The following FAM178B variants were observed in gnomAD, a reference collection of about 807,000 sequenced individuals.
FAM178B encodes protein FAM178B.
FAM178B carries 82 observed loss-of-function variants against 91.7 expected under a neutral mutation model. The ratio of observed to expected loss-of-function variants is 0.89; its 90% CI spans 0.75 to 1.07. The LOEUF (loss-of-function observed/expected upper bound fraction) is 1.07. FAM178B is among the 50% of genes least tolerant of loss of function. The probability of loss-of-function intolerance (pLI) is 0.00; values close to 1 mark genes in which losing one functional copy is unlikely to be tolerated. For missense variants in FAM178B, 769 were observed against 846.7 expected, an observed-to-expected ratio of 0.91 and a Z score of 1.14; for synonymous variants, 368 against 359.4, an observed-to-expected ratio of 1.02 and a Z score of -0.27.
intron 12 of FAM178B, among the ~76,000 whole-genome samples, chr2:96,909,142 CAAAAAAAAAAAAAAAAAAGAAA>C (rs2081107480): frequency 1.3e-5 from 1 of 77,412 alleles, no homozygotes; most frequent in African/African-American, 4.7e-5. Flanking sequence ...GACTCTGTCT[CAAAAAAAAAAAAAAAAAAGAAA>C]AAAGAAAAAA....
At chr2:96,919,784 G>A (rs927883540) in intron 12 of FAM178B, among the ~76,000 whole-genome samples, 3 of 152,196 alleles carry the variant, frequency 2.0e-5, no homozygotes, top group African/African-American at 7.2e-5. Context: ...GAGAGAGGAT[G>A]AAACCTGCCC....
chr2:96,985,751 T>C (rs1463502988), intron 1 of FAM178B, among the ~76,000 whole-genome samples: 2 of 152,198 alleles, frequency 1.3e-5, no homozygotes, highest in Non-Finnish European at 2.9e-5. Context: ...AGCTTGGGAA[T>C]GCTGGCGAGA....
At chr2:96,905,860 A>ATTTTT (rs1161397180) in intron 12 of FAM178B, among the ~76,000 whole-genome samples, 2 of 23,260 alleles carry the variant, frequency 8.6e-5, no homozygotes, top group Admixed American at 8.2e-4. Context: ...ATATATATAT[A>ATTTTT]TTTTTTTTTT....
intron 13 of FAM178B, among the ~76,000 whole-genome samples, chr2:96,901,470 G>A (rs578172572): frequency 2.0e-5 from 3 of 152,016 alleles, no homozygotes; most frequent in Non-Finnish European, 4.4e-5. Context: ...CACCACGCCC[G>A]GCTCAGAAGG....
rs546993142 is a variant in FAM178B at position 96,905,814 on chromosome 2, G to T, written c.1563-3107C>A. 8.2e-3 allele frequency among the ~76,000 whole-genome samples: 282 copies of T among 34,484 alleles called. 5 individuals are homozygous for T. The highest frequency in any genetic ancestry group is 0.012 in the Non-Finnish European group (253 of 20,576). 22.6% of individuals were successfully genotyped at this position (34,484 alleles called of 152,430 possible). ...TATATACACAAAAATATACATATAT[G>T]TGTGTATATATATATATATATATAT... On this transcript the variant is annotated intron_variant, in intron 12 of 16. Transcript: ENST00000490605.
intron 12 of FAM178B, among the ~76,000 whole-genome samples, chr2:96,913,878 G>A (rs1682789849): frequency 6.6e-6 from 1 of 152,206 alleles, no homozygotes; most frequent in Non-Finnish European, 1.5e-5. Context: ...TCCCAGAGGT[G>A]GAACAAAGGA....
intron 6 of FAM178B, among the ~76,000 whole-genome samples, chr2:96,954,884 TA>T (rs1010051692): frequency 1.3e-5 from 2 of 150,600 alleles, no homozygotes; most frequent in Admixed American, 6.6e-5. Flanking sequence ...ACCCTGTCTC[TA>T]AAAAAAAATA....
chr2:96,921,160 C>A lies in FAM178B; in HGVS notation c.1562+5G>T. The A allele has an allele frequency of 1.3e-6, 2 of 1,548,170 alleles. No individual in the cohort carries two copies. The highest frequency in any genetic ancestry group is 1.2e-5 in the South Asian group (1 of 83,966). On this transcript the variant is annotated splice_donor_5th_base_variant and intron_variant, in intron 12 of 16. Transcript: ENST00000490605. ...GGGAGGAGGCAGCGGGGGAGCAGCA[C>A]GCACCTGCTCCGGGAGGTCATGTCT...
rs942024865 is a variant in FAM178B, at chr2:96,986,541, C to T, written c.-228G>A. 4.3e-6 allele frequency: 2 copies of T among 461,784 alleles called. No homozygotes were observed. The highest frequency in any genetic ancestry group is 2.1e-5 in the African/African-American group (1 of 48,662). 28.6% of individuals were successfully genotyped at this position (461,784 alleles called of 1,614,324 possible). On this transcript the variant is annotated 5_prime_UTR_variant, in exon 1 of 17. Coordinates refer to ENST00000490605, the MANE Select transcript of FAM178B (RefSeq NM_001122646.3). ...TCCAAACCAAGCGGCCAGCTCACAG[C>T]CGCCGCCGCCGCCAGCTGGGGAGCT...
intron 13 of FAM178B, among the ~76,000 whole-genome samples, chr2:96,896,159 A>T (rs769277609): frequency 4.6e-5 from 7 of 152,224 alleles, no homozygotes; most frequent in Non-Finnish European, 1.0e-4. Flanking sequence ...GCCTTTGGGC[A>T]GGCCTCGCCC....
At chr2:96,877,770 A>T in intron 16 of FAM178B, 120 bp downstream of exon 16, 1 of 1,017,496 alleles carries the variant, frequency 9.8e-7, no homozygotes, top group Non-Finnish European at 1.4e-6. Context: ...TGCCCACTCC[A>T]CCCATATCCC....
intron 9 of FAM178B, among the ~76,000 whole-genome samples, chr2:96,927,423 G>A (rs770028683): frequency 6.6e-6 from 1 of 152,156 alleles, no homozygotes; most frequent in Non-Finnish European, 1.5e-5. Context: ...TCAACGCCAG[G>A]CCAAGGTCTG....
intron 1 of FAM178B, 118 bp downstream of exon 1, chr2:96,986,123 G>A: frequency 1.4e-6 from 2 of 1,479,750 alleles, no homozygotes; most frequent in Non-Finnish European, 8.9e-7. Flanking sequence ...AGAGTAGCCC[G>A]GCGGCCGCAC....
At chr2:96,892,604 C>CTGGATA (rs2080709423) in intron 14 of FAM178B, among the ~76,000 whole-genome samples, 1 of 152,172 alleles carries the variant, frequency 6.6e-6, no homozygotes, top group Admixed American at 6.5e-5. Flanking sequence ...CTTCTGCCAC[C>CTGGATA]TGGATAGCCT....
chr2:96,908,652 G>C (rs192655770), intron 12 of FAM178B, among the ~76,000 whole-genome samples: 10 of 152,320 alleles, frequency 6.6e-5, no homozygotes, highest in Non-Finnish European at 1.0e-4. Context: ...TCTGGGGAGC[G>C]GCAGACATTC....
At chr2:96,970,404 C>T (rs2082201226) in intron 4 of FAM178B, among the ~76,000 whole-genome samples, 1 of 152,224 alleles carries the variant, frequency 6.6e-6, no homozygotes, top group Admixed American at 6.5e-5. Context: ...GTCTGCTTTT[C>T]CACTTCCCTC....
Position 96,967,633 on chromosome 2 carries a change from G to T in FAM178B, c.627-6C>A. 1.3e-6 allele frequency: 2 copies of T among 1,538,434 alleles called. No individual in the cohort carries two copies. Among genetic ancestry groups the T allele is most frequent in the Non-Finnish European group, 1.8e-6 (2 of 1,137,894 alleles). On this transcript the variant is annotated splice_polypyrimidine_tract_variant and splice_region_variant and intron_variant, in intron 4 of 16. Transcript: ENST00000490605. The stretch of plus-strand genomic sequence containing the variant: ...CCTGCTCCAGGGCCTGTTCCCTATA[G>T]GAAGTCGAGGGCCAGAGCCGGGGGT...
chr2:96,980,865 C>T (rs958950706), intron 1 of FAM178B, among the ~76,000 whole-genome samples: 1 of 152,012 alleles, frequency 6.6e-6, no homozygotes, highest in Non-Finnish European at 1.5e-5. Context: ...AAGTCTATTG[C>T]CCATTTTAGA....
At chr2:96,967,929 T>TTTTTTTTTTTA in intron 4 of FAM178B, among the ~76,000 whole-genome samples, 1 of 140,918 alleles carries the variant, frequency 7.1e-6, no homozygotes, top group Non-Finnish European at 1.6e-5. Context: ...TTTTTTTTTT[T>TTTTTTTTTTTA]TTTTTTTTTG....
Sources: allele counts gnomAD v4.1 joint callset (sites outside exome capture counted in the v4.1 genomes callset), GRCh38; gene constraint gnomAD v4.1.1; transcripts MANE v1.5; gene names NCBI Gene and HGNC (gene_info 2026-07-23, HGNC 2026-07-21).